ANKRD16: variants seen among roughly 807,000 people sequenced by gnomAD.
ANKRD16 encodes the protein ankyrin repeat domain 16, also known as ankyrin repeat domain-containing protein 16.
In ANKRD16, 35 loss-of-function variants were observed where a neutral mutation model predicts 37.9. That is an observed-to-expected ratio of 0.92 (90% CI 0.71 to 1.23). The LOEUF (loss-of-function observed/expected upper bound fraction) is 1.23, where lower values mean the gene tolerates loss of function less well. ANKRD16 is among the 50% of genes most tolerant of loss of function. The pLI is 0.00. For missense variants in ANKRD16, 480 were observed against 469.9 expected (o/e 1.02, Z -0.20); for synonymous variants, 206 against 197.2 (o/e 1.04, Z -0.37).
At position 5,878,046 on chromosome 10, in the gene ANKRD16, A is replaced by G; in HGVS notation, c.*33+51T>C. Reference sequence around the variant, plus strand: ...TGGAGGAGATGGAAAACTGGCTTCCAACTGGTTTCGCTGAATCTGTGACTG... The same window carrying G: ...TGGAGGAGATGGAAAACTGGCTTCCGACTGGTTTCGCTGAATCTGTGACTG... On this transcript the variant is annotated intron_variant, in intron 7 of 7. Transcript: ENST00000380094. This position sits in a 1 kb window ranked among gnomAD's most constrained non-coding sequence, Gnocchi z 5.1. 7 of 1,531,740 alleles carry G rather than the reference A, an allele frequency of 4.6e-6. No individual in the cohort carries two copies. The highest frequency in any genetic ancestry group is 6.2e-6 in the Non-Finnish European group (7 of 1,135,196). The allele number at this position is 1,531,740 out of a possible 1,614,324, so 94.9% of individuals were successfully genotyped here.
At chr10:5,880,221 C>T in intron 6 of ANKRD16, 77 bp downstream of exon 6, 1 of 351,930 alleles carries the variant, frequency 2.8e-6, no homozygotes, top group Non-Finnish European at 4.9e-6. Context: ...ATATTAAAAT[C>T]ATTGTTTTAA....
chr10:5,889,129 G>A lies in ANKRD16; in HGVS notation c.226C>T (p.His76Tyr). The A allele has an allele frequency of 6.3e-6, 10 of 1,597,818 alleles. No homozygotes were observed. The highest frequency in any genetic ancestry group is 8.5e-6 in the Non-Finnish European group (10 of 1,178,772). Residue 76 changes from histidine (H) to tyrosine (Y), a missense_variant, in exon 1 of 8, where the codon CAC becomes TAC. By Grantham distance (83) the His-to-Tyr change is moderately conservative. Transcript: ENST00000380094. ...CGGTGGCCCATGGAGGCCGCCTCGT[G>A]CAGAGGCCGCTTGTAGTCTCGGTTG... ...ATNRDYKRPLHEAASMGHRDC... is the reference protein window; with the variant it reads ...ATNRDYKRPLYEAASMGHRDC...
intron 7 of ANKRD16, among the ~76,000 whole-genome samples, chr10:5,867,107 T>C (rs1298598839): frequency 6.6e-6 from 1 of 152,256 alleles, no homozygotes; most frequent in Non-Finnish European, 1.5e-5. Context: ...TCTGTTACCC[T>C]ATAACACTCC....
rs1841945180 is a variant in ANKRD16, at chr10:5,861,839, G to T, written c.*886C>A. On this transcript the variant is annotated 3_prime_UTR_variant, in exon 8 of 8. Coordinates refer to ENST00000380094, the MANE Select transcript of ANKRD16 (RefSeq NM_019046.3). ...TGGGCATTCCACAGCTTCACTGTTG[G>T]TATCATCTGTGATACTATCAACATG... The T allele has an allele frequency of 6.6e-6, 1 of 150,768 alleles. No individual in the cohort carries two copies. The highest frequency in any genetic ancestry group is 2.4e-5 in the African/African-American group (1 of 40,920). The allele number at this position is 150,768 out of a possible 1,614,324, so 9.3% of individuals were successfully genotyped here.
chr10:5,878,200 C>A lies in ANKRD16; in HGVS notation c.1016G>T (p.Gly339Val), dbSNP rs1170710985. The change falls in exon 7 of 8, where the codon GGC (glycine) becomes GTC (valine). Residue 339 changes from glycine (G) to valine (V), a missense_variant. Transcript: ENST00000380094. The surrounding 1 kb of genome is among the most constrained non-coding windows in gnomAD (Gnocchi z 5.1). ...SGLKDSEDIT[G>V]TLAQQLPRRA... ...CCTTGGGAGCTGCTGAGCCAGGGTG[C>A]CCGTGATGTCTTCAGAATCCTTCAG... The A allele has an allele frequency of 4.8e-5, 78 of 1,614,022 alleles. No individual in the cohort carries two copies. Among genetic ancestry groups the A allele is most frequent in the Non-Finnish European group, 6.5e-5 (77 of 1,180,024 alleles).
Position 5,883,106 on chromosome 10 carries a change from C to A in ANKRD16, c.749G>T (p.Gly250Val). The A allele has an allele frequency of 1.9e-6, 3 of 1,614,104 alleles. No individual in the cohort carries two copies. Among genetic ancestry groups the A allele is most frequent in the Non-Finnish European group, 2.5e-6 (3 of 1,180,038 alleles). The change falls in exon 5 of 8, where the codon GGG (glycine) becomes GTG (valine). Residue 250 changes from glycine (G) to valine (V), a missense_variant. Gly to Val is a moderately radical substitution (Grantham distance 109). Transcript: ENST00000380094. ...CAAGAATCGGATGGCTTCGTCCTGC[C>A]CTGTGACAGCTGCCCTGTGCAGAGC... Reference protein sequence around the residue: ...AQALHRAAVTGQDEAIRFLVS... With the variant: ...AQALHRAAVTVQDEAIRFLVS...
At chr10:5,887,543 C>T (rs1842444980) in intron 2 of ANKRD16, among the ~76,000 whole-genome samples, 1 of 152,144 alleles carries the variant, frequency 6.6e-6, no homozygotes, top group Admixed American at 6.5e-5. Flanking sequence ...CCACCACGCC[C>T]GGCTAATTTT....
At chr10:5,888,091 T>A in intron 1 of ANKRD16, 24 bp from the exon 2 acceptor site, 1 of 1,605,476 alleles carries the variant, frequency 6.2e-7, no homozygotes, top group Non-Finnish European at 8.5e-7. Context: ...GGAGAAGCTG[T>A]CAGATGGAGG....
rs1373645978 is a variant in ANKRD16 at position 5,864,275 on chromosome 10, C to A, written c.*34-1584G>T. On this transcript the variant is annotated intron_variant, in intron 7 of 7. Transcript: ENST00000380094. The surrounding 1 kb of genome is among the most constrained non-coding windows in gnomAD (Gnocchi z 4.4). ...ATAGCCCCTTCCTATTAATGATAAG[C>A]CTCCTCTAACCTCCCCTGCCCAGAA... is the stretch of plus-strand genomic sequence containing the variant. 6.6e-6 allele frequency among the ~76,000 whole-genome samples: 1 copy of A among 152,012 alleles called. No homozygotes were observed. Among genetic ancestry groups the A allele is most frequent in the East Asian group, 1.9e-4 (1 of 5,182 alleles).
chr10:5,888,577 G>A (rs1394280864), intron 1 of ANKRD16, among the ~76,000 whole-genome samples: 1 of 152,104 alleles, frequency 6.6e-6, no homozygotes, highest in Admixed American at 6.5e-5. Flanking sequence ...ATGCAAGGCT[G>A]CACGTATGTG....
intron 5 of ANKRD16, among the ~76,000 whole-genome samples, chr10:5,881,441 T>TAAAAAA (rs1459236408): frequency 1.9e-4 from 4 of 21,294 alleles, no homozygotes; most frequent in Admixed American, 4.4e-4. Flanking sequence ...ATATTATTTA[T>TAAAAAA]ATATATATAT....
Position 5,880,342 on chromosome 10 carries a change from G to A in ANKRD16, c.884C>T (p.Ser295Phe). 5 of 1,605,152 alleles carry A rather than the reference G, an allele frequency of 3.1e-6. No individual in the cohort carries two copies. Among genetic ancestry groups the A allele is most frequent in the Non-Finnish European group, 4.2e-6 (5 of 1,176,518 alleles). ...GHTSTIQTLLSLGADINSKDE... is the reference protein window; with the variant it reads ...GHTSTIQTLLFLGADINSKDE... ...TTTAGAATTGATGTCAGCTCCCAAGGATAAGAGAGTCTGAATTGTACTTGT... is the reference window on the plus strand; with the variant it reads ...TTTAGAATTGATGTCAGCTCCCAAGAATAAGAGAGTCTGAATTGTACTTGT... The change falls in exon 6 of 8, where the codon TCC becomes TTC. Residue 295 changes from serine (S) to phenylalanine (F), a missense_variant. Ser to Phe is a radical substitution (Grantham distance 155). Transcript: ENST00000380094.
chr10:5,880,031 T>C (rs998410442), intron 6 of ANKRD16, among the ~76,000 whole-genome samples: 8 of 151,828 alleles, frequency 5.3e-5, no homozygotes, highest in African/African-American at 1.9e-4. Flanking sequence ...TGGTGGTGCA[T>C]GCCTGTAATT....
intron 7 of ANKRD16, among the ~76,000 whole-genome samples, chr10:5,872,681 C>T (rs1055002081): frequency 2.7e-5 from 4 of 150,726 alleles, no homozygotes; most frequent in East Asian, 4.1e-4. Context: ...CTCAGCCTCT[C>T]GAGTAGCTAG....
rs1818656749 is a variant in ANKRD16, at chr10:5,868,816, G to A, written c.*34-6125C>T. Among the ~76,000 whole-genome samples the A allele has an allele frequency of 6.6e-6, 1 of 152,184 alleles. No homozygotes were observed. Among genetic ancestry groups the A allele is most frequent in the Admixed American group, 6.5e-5 (1 of 15,280 alleles). Reference sequence around the variant, plus strand: ...AGTCAGCAAGACCACGAACCCACCAGGAGGAACAAACAACTCTGAATGTAC... The same window carrying A: ...AGTCAGCAAGACCACGAACCCACCAAGAGGAACAAACAACTCTGAATGTAC... On this transcript the variant is annotated intron_variant, in intron 7 of 7. Transcript: ENST00000380094. The surrounding 1 kb of genome is among the most constrained non-coding windows in gnomAD (Gnocchi z 4.9).
intron 7 of ANKRD16, among the ~76,000 whole-genome samples, chr10:5,867,439 C>T (rs1842032344): frequency 6.6e-6 from 1 of 152,224 alleles, no homozygotes; most frequent in South Asian, 2.1e-4. Context: ...TATTGGCACT[C>T]AGCCAAACTT....
chr10:5,884,051 T>C lies in ANKRD16; in HGVS notation c.605A>G (p.Asp202Gly). 3 of 1,614,140 alleles carry C rather than the reference T, an allele frequency of 1.9e-6. No homozygotes were observed. Among genetic ancestry groups the C allele is most frequent in the Non-Finnish European group, 8.5e-7 (1 of 1,180,032 alleles). The change falls in exon 4 of 8, where the codon GAC (aspartate) becomes GGC (glycine). Residue 202 changes from aspartate (D) to glycine (G), a missense_variant. By Grantham distance (94) the Asp-to-Gly change is moderately conservative. Coordinates refer to ENST00000380094, the MANE Select transcript of ANKRD16 (RefSeq NM_019046.3). ...KRCQYEPDYRDNCGVTALMDA... is the reference protein window; with the variant it reads ...KRCQYEPDYRGNCGVTALMDA... ...CATCAAGGCGGTGACGCCACAGTTG[T>C]CTCTGTAGTCTGGTTCATATTGGCA...
rs1842018196 is a variant in ANKRD16, at chr10:5,866,709, G to A, written c.*34-4018C>T. Among the ~76,000 whole-genome samples the A allele has an allele frequency of 6.6e-6, 1 of 152,134 alleles. No individual in the cohort carries two copies. The highest frequency in any genetic ancestry group is 2.4e-5 in the African/African-American group (1 of 41,422). On this transcript the variant is annotated intron_variant, in intron 7 of 7. Coordinates refer to ENST00000380094, the MANE Select transcript of ANKRD16 (RefSeq NM_019046.3). This position sits in a 1 kb window ranked among gnomAD's most constrained non-coding sequence, Gnocchi z 4.3. ...AAGCCATCAAAAAGGGGAAGGAGAG[G>A]GGAGAACAGCAGCGTAAGTGGCTGG...
rs933719639 is a variant in ANKRD16, at chr10:5,871,590, G to T, written c.*33+6507C>A. On this transcript the variant is annotated intron_variant, in intron 7 of 7. Transcript: ENST00000380094. This position sits in a 1 kb window ranked among gnomAD's most constrained non-coding sequence, Gnocchi z 4.5. ...TACTGGCATTGAATGAGGCGCCCACGTGGGCTCTGCCCTGAACTTTTCTTC... is the reference window on the plus strand; with the variant it reads ...TACTGGCATTGAATGAGGCGCCCACTTGGGCTCTGCCCTGAACTTTTCTTC... Among the ~76,000 whole-genome samples the T allele has an allele frequency of 6.6e-6, 1 of 152,080 alleles. No individual in the cohort carries two copies. The highest frequency in any genetic ancestry group is 1.9e-4 in the East Asian group (1 of 5,192).
Sources: allele counts gnomAD v4.1 joint callset (sites outside exome capture counted in the v4.1 genomes callset), GRCh38; gene constraint gnomAD v4.1.1; non-coding constraint Gnocchi (gnomAD v3.1); transcripts MANE v1.5; gene names NCBI Gene and HGNC (gene_info 2026-07-23, HGNC 2026-07-21).